CDH11: variants seen among roughly 807,000 people sequenced by gnomAD.
CDH11 encodes the protein cadherin-11.
A neutral mutation model predicts 67.8 loss-of-function variants in CDH11; 11 were observed. The observed-to-expected ratio is 0.16, with a 90% CI of 0.10 to 0.27. The LOEUF (loss-of-function observed/expected upper bound fraction) is 0.27. CDH11 is among the 10% of genes least tolerant of loss of function. CDH11 has a pLI of 1.00. For synonymous variants in CDH11, 419 were observed against 400.0 expected (o/e 1.05, Z -0.57); for missense variants, 847 against 1,031.2 (o/e 0.82, Z 2.45).
intron 12 of CDH11, chr16:64,948,416 G>A (rs947896779): frequency 3.3e-6 from 2 of 613,992 alleles, no homozygotes; most frequent in Admixed American, 3.0e-5. Context: ...TTCTAAATAT[G>A]TTGGTCTGTA....
intron 2 of CDH11, among the ~76,000 whole-genome samples, chr16:65,042,001 G>A (rs973567491): frequency 1.3e-5 from 2 of 152,212 alleles, no homozygotes; most frequent in Non-Finnish European, 2.9e-5. Context: ...CAGTGTGGAG[G>A]AGCCCAGGCT....
chr16:65,040,235 T>G (rs577751539), intron 2 of CDH11, among the ~76,000 whole-genome samples: 2 of 152,218 alleles, frequency 1.3e-5, no homozygotes, highest in African/African-American at 2.4e-5. Context: ...AAAACATGCT[T>G]CTATAAAGAC....
intron 1 of CDH11, among the ~76,000 whole-genome samples, chr16:65,090,276 T>C (rs1416875306): frequency 1.3e-5 from 2 of 152,136 alleles, no homozygotes; most frequent in African/African-American, 4.8e-5. Flanking sequence ...AACATTGTGT[T>C]CCTGCTTTGA....
At chr16:65,085,306 A>G (rs2074677370) in intron 1 of CDH11, among the ~76,000 whole-genome samples, 1 of 152,244 alleles carries the variant, frequency 6.6e-6, no homozygotes, top group South Asian at 2.1e-4. Context: ...TAGAAAAGTA[A>G]TTAAGAACAG....
chr16:65,022,075 C>T (rs937021978), intron 2 of CDH11, among the ~76,000 whole-genome samples: 2 of 151,950 alleles, frequency 1.3e-5, no homozygotes, highest in Non-Finnish European at 2.9e-5. Flanking sequence ...GAGGCAAGCA[C>T]CATAATGCTT....
chr16:64,957,675 A>G (rs1006325728), intron 11 of CDH11, among the ~76,000 whole-genome samples: 9 of 151,434 alleles, frequency 5.9e-5, no homozygotes, highest in Admixed American at 4.0e-4. Flanking sequence ...CGCATAAATA[A>G]GCACATACAT....
Position 65,122,049 on chromosome 16 carries a change from C to T in CDH11, c.-467G>A, listed in dbSNP as rs1026548405. 9.5e-6 allele frequency: 5 copies of T among 526,150 alleles called. No individual in the cohort carries two copies. The highest frequency in any genetic ancestry group is 8.2e-5 in the African/African-American group (4 of 48,952). 32.6% of individuals were successfully genotyped at this position (526,150 alleles called of 1,614,324 possible). On this transcript the variant is annotated 5_prime_UTR_variant, in exon 1 of 13. Coordinates refer to ENST00000268603, the MANE Select transcript of CDH11 (RefSeq NM_001797.4). The stretch of plus-strand genomic sequence containing the variant: ...GGCCCGCGACGCTCCCCTCAGCTGG[C>T]GGCGGCCGCGGAATGAGCCGCCGAG...
In CDH11 at chr16:64,980,664, G is replaced by T. The variant is rs528404962; in HGVS notation, c.1253+1384C>A. ...AAGTTTTTTAAACTAAGTGAATGAG[G>T]TTAGATTATTTTGAAGAGGGAGACA... On this transcript the variant is annotated intron_variant, in intron 8 of 12. Coordinates refer to ENST00000268603, the MANE Select transcript of CDH11 (RefSeq NM_001797.4). Among the ~76,000 whole-genome samples, 3 of 152,152 alleles carry T rather than the reference G, an allele frequency of 2.0e-5. No individual in the cohort carries two copies. The South Asian group carries it at 6.2e-4, about 32-fold the overall frequency.
chr16:64,996,955 T>C (rs573769638), intron 4 of CDH11, among the ~76,000 whole-genome samples: 18 of 152,206 alleles, frequency 1.2e-4, no homozygotes, highest in African/African-American at 3.9e-4. Flanking sequence ...GGGTCATTCA[T>C]ACCACAAACC....
intron 7 of CDH11, 157 bp downstream of exon 7, chr16:64,988,000 T>C (rs2072528418): frequency 3.5e-6 from 2 of 567,316 alleles, no homozygotes; most frequent in East Asian, 3.0e-5. Flanking sequence ...AATACAATTC[T>C]GTGATCTTCC....
chr16:64,948,719 G>C lies in CDH11; in HGVS notation c.1895-620C>G, dbSNP rs776806363. 1.5e-5 allele frequency: 24 copies of C among 1,603,788 alleles called. No homozygotes were observed. In the Middle Eastern group the frequency reaches 8.2e-4, roughly 55 times the overall value. On this transcript the variant is annotated intron_variant, in intron 12 of 12. Transcript: ENST00000268603. The stretch of plus-strand genomic sequence containing the variant: ...ACTTTAACATAGGAAAATAGCATCA[G>C]CTGGAAGCCCAGATAAAGCAATCTC...
rs2072843170 is a variant in CDH11, at chr16:64,998,873, T to A, written c.229-17A>T. The A allele has an allele frequency of 5.0e-6, 8 of 1,608,886 alleles. No individual in the cohort carries two copies. The highest frequency in any genetic ancestry group is 6.8e-6 in the Non-Finnish European group (8 of 1,175,976). On this transcript the variant is annotated splice_polypyrimidine_tract_variant and intron_variant, in intron 3 of 12. Coordinates refer to ENST00000268603, the MANE Select transcript of CDH11 (RefSeq NM_001797.4). ...TGAATGAAGCTGGAAGAAAGAGAAA[T>A]TGAGATTTTTAATTCCATGAGGAAA...
chr16:65,096,195 C>G (rs1798713309), intron 1 of CDH11, among the ~76,000 whole-genome samples: 1 of 152,054 alleles, frequency 6.6e-6, no homozygotes, highest in African/African-American at 2.4e-5. Flanking sequence ...GTAATACTTC[C>G]AGTGAAGTAT....
chr16:65,024,013 T>C (rs2073483139), intron 2 of CDH11, among the ~76,000 whole-genome samples: 1 of 152,284 alleles, frequency 6.6e-6, no homozygotes, highest in East Asian at 1.9e-4. Flanking sequence ...CCCAATCCCA[T>C]TCAAGGTGGA....
Position 64,998,590 on chromosome 16 carries a change from A to G in CDH11, c.495T>C (p.His165=), listed in dbSNP as rs1325726858. The change falls in exon 4 of 13, where the codon CAT becomes CAC. Residue 165 remains histidine, a synonymous_variant. Transcript: ENST00000268603. Reference sequence around the variant, plus strand: ...CATTGGACCTCTCAGGCACGTTGGCATGATAGGTCTCGTGCAGGAACTCCG... The same window carrying G: ...CATTGGACCTCTCAGGCACGTTGGCGTGATAGGTCTCGTGCAGGAACTCCG... ...NPPEFLHETY[H]ANVPERSNVG... is the part of the protein sequence containing the mutation. 4 of 1,614,100 alleles carry G rather than the reference A, an allele frequency of 2.5e-6. No individual in the cohort carries two copies. The highest frequency in any genetic ancestry group is 2.7e-5 in the African/African-American group (2 of 75,014).
At chr16:65,064,613 G>A (rs1191438928) in intron 1 of CDH11, among the ~76,000 whole-genome samples, 2 of 152,188 alleles carry the variant, frequency 1.3e-5, no homozygotes, top group African/African-American at 4.8e-5. Flanking sequence ...TCTGTTTGCA[G>A]TGATTCCTAA....
At chr16:65,049,296 A>G (rs1190799947) in intron 2 of CDH11, among the ~76,000 whole-genome samples, 4 of 152,202 alleles carry the variant, frequency 2.6e-5, no homozygotes, top group African/African-American at 9.6e-5. Flanking sequence ...CTTGGTTAAG[A>G]CTGGAAGTCA....
intron 1 of CDH11, among the ~76,000 whole-genome samples, chr16:65,057,691 A>G (rs1017364680): frequency 2.0e-5 from 3 of 152,272 alleles, no homozygotes; most frequent in East Asian, 1.9e-4. Flanking sequence ...ATTAAAATGG[A>G]AAGAGTTGTC....
At chr16:65,116,646 A>C (rs2075249711) in intron 1 of CDH11, among the ~76,000 whole-genome samples, 1 of 152,240 alleles carries the variant, frequency 6.6e-6, no homozygotes. Context: ...ACTTGGTGCC[A>C]GAAAACACAG....
Sources: gnomAD v4.1 joint callset for allele counts (sites outside exome capture counted in the v4.1 genomes callset) on GRCh38, gnomAD v4.1.1 for gene constraint, MANE v1.5 for transcripts, NCBI Gene and HGNC (gene_info 2026-07-23, HGNC 2026-07-21) for gene names.